ADAMTS9: variants seen among roughly 807,000 people sequenced by gnomAD.
The protein encoded by ADAMTS9 is A disintegrin and metalloproteinase with thrombospondin motifs 9.
Under a neutral mutation model 257.1 loss-of-function variants are expected in ADAMTS9, and 107 were observed. The observed-to-expected ratio is 0.42, with a 90% CI of 0.36 to 0.49. The LOEUF is 0.49. ADAMTS9 is among the 20% of genes least tolerant of loss of function. The pLI is 0.03. For missense variants in ADAMTS9, 2,353 were observed against 2,469.1 expected (o/e 0.95, Z 1.00); for synonymous variants, 982 against 880.9 (o/e 1.11, Z -2.03).
intron 3 of ADAMTS9, among the ~76,000 whole-genome samples, chr3:64,676,265 A>T (rs549931567): frequency 6.6e-6 from 1 of 152,228 alleles, no homozygotes; most frequent in Non-Finnish European, 1.5e-5. Context: ...TGGCTTGGCT[A>T]TTGGTCTCCA....
intron 26 of ADAMTS9, among the ~76,000 whole-genome samples, chr3:64,600,435 T>C (rs1233088699): frequency 2.6e-5 from 4 of 152,216 alleles, no homozygotes; most frequent in African/African-American, 9.6e-5. Flanking sequence ...AAAGCTTACC[T>C]AATCCTCCCT....
rs566864892 is a variant in ADAMTS9, at chr3:64,599,775, G to A, written c.4017+2169C>T. 3.9e-5 allele frequency among the ~76,000 whole-genome samples: 6 copies of A among 152,292 alleles called. No individual in the cohort carries two copies. The East Asian group carries it at 7.7e-4, about 20-fold the overall frequency. ...CACAGCCCAAAGACCAAATGTGTGC[G>A]GCCACCTGTTTTTAGAAATAAGGTT... is the stretch of plus-strand genomic sequence containing the variant. On this transcript the variant is annotated intron_variant, in intron 26 of 39. Coordinates refer to ENST00000498707, the MANE Select transcript of ADAMTS9 (RefSeq NM_182920.2).
intron 28 of ADAMTS9, chr3:64,568,967 A>G (rs929117072): frequency 6.2e-6 from 1 of 162,386 alleles, no homozygotes; most frequent in African/African-American, 2.4e-5. Flanking sequence ...AAATGATTTA[A>G]GAATAAAACT....
intron 30 of ADAMTS9, among the ~76,000 whole-genome samples, chr3:64,556,465 T>G (rs2083334412): frequency 6.6e-6 from 1 of 152,086 alleles, no homozygotes; most frequent in Admixed American, 6.5e-5. Flanking sequence ...GAACTACAGG[T>G]CCATGCCACC....
chr3:64,562,611 T>C (rs2083446850), intron 29 of ADAMTS9, among the ~76,000 whole-genome samples: 1 of 152,206 alleles, frequency 6.6e-6, no homozygotes, highest in Non-Finnish European at 1.5e-5. Context: ...TTGGAAAGAA[T>C]GGTATATTAT....
chr3:64,613,535 G>A, intron 21 of ADAMTS9, 26 bp from the exon 22 acceptor site: 1 of 1,603,676 alleles, frequency 6.2e-7, no homozygotes, highest in South Asian at 1.1e-5. Context: ...GAGCTAGTCA[G>A]GGTCATTTCT....
rs145883413 is a variant in ADAMTS9 at position 64,598,456 on chromosome 3, C to T, written c.4018-1465G>A. 1.3e-3 allele frequency among the ~76,000 whole-genome samples: 199 copies of T among 151,616 alleles called. 1 individual carries two copies. In the East Asian group the frequency reaches 0.025, roughly 19 times the overall value. ...CTCAGTCTCCTGCATAGCTGGAGAC[C>T]GTTGGTGTACACTACCACACCTGGG... On this transcript the variant is annotated intron_variant, in intron 26 of 39. Coordinates refer to ENST00000498707, the MANE Select transcript of ADAMTS9 (RefSeq NM_182920.2).
At chr3:64,612,428 T>C (rs567612319) in intron 22 of ADAMTS9, among the ~76,000 whole-genome samples, 101 of 152,278 alleles carry the variant, frequency 6.6e-4, no homozygotes, top group South Asian at 1.9e-3. Context: ...TCAGACATGA[T>C]TGGCAATTTG....
intron 4 of ADAMTS9, among the ~76,000 whole-genome samples, chr3:64,657,077 G>C (rs1701093968): frequency 6.6e-6 from 1 of 152,096 alleles, no homozygotes. Context: ...ATGTGAAAAT[G>C]CCTCCTGTTT....
At chr3:64,640,518 T>A (rs1700611180) in intron 12 of ADAMTS9, among the ~76,000 whole-genome samples, 1 of 152,202 alleles carries the variant, frequency 6.6e-6, no homozygotes, top group Non-Finnish European at 1.5e-5. Context: ...TAGAGTTTGC[T>A]ATCCGTGATC....
chr3:64,654,954 T>C (rs1422054626), intron 6 of ADAMTS9, among the ~76,000 whole-genome samples: 1 of 152,206 alleles, frequency 6.6e-6, no homozygotes, highest in Non-Finnish European at 1.5e-5. Flanking sequence ...AAGATACCTT[T>C]GTTTTACTTT....
intron 28 of ADAMTS9, among the ~76,000 whole-genome samples, chr3:64,572,757 G>A (rs1488522149): frequency 6.6e-6 from 1 of 152,142 alleles, no homozygotes; most frequent in Non-Finnish European, 1.5e-5. Flanking sequence ...GAGGCTTCTG[G>A]GTGGGGCTGG....
At chr3:64,557,568 G>A (rs1673410301) in intron 30 of ADAMTS9, among the ~76,000 whole-genome samples, 1 of 152,162 alleles carries the variant, frequency 6.6e-6, no homozygotes, top group African/African-American at 2.4e-5. Context: ...TGCAGGCTGA[G>A]TCAAACTGCT....
chr3:64,654,975 G>T (rs1354761422), intron 6 of ADAMTS9, among the ~76,000 whole-genome samples: 1 of 152,164 alleles, frequency 6.6e-6, no homozygotes, highest in Non-Finnish European at 1.5e-5. Flanking sequence ...CATTTAAGAG[G>T]ACGTGCTCAT....
chr3:64,615,513 C>A, intron 20 of ADAMTS9, 28 bp from the exon 21 acceptor site: 1 of 1,581,736 alleles, frequency 6.3e-7, no homozygotes, highest in Non-Finnish European at 8.6e-7. Context: ...ATAAATAAAA[C>A]TGTTGCTAAG....
Position 64,561,697 on chromosome 3 carries a change from C to T in ADAMTS9, c.4579G>A (p.Gly1527Arg), listed in dbSNP as rs755013991. 5.0e-6 allele frequency: 8 copies of T among 1,613,586 alleles called. No homozygotes were observed. Among genetic ancestry groups the T allele is most frequent in the East Asian group, 4.5e-5 (2 of 44,822 alleles). ...GTCTCTCTGGCTATTTTGTGTGTTC[C>T]GATCTGACAGCCCACATGCCTCTGC... ...VQQRHVGCQI[G>R]THKIARETEC... The change falls in exon 30 of 40, where the codon GGA becomes AGA. Residue 1527 changes from glycine (G) to arginine (R), a missense_variant. Physicochemically the swap from Gly to Arg is moderately radical, Grantham distance 125. This residue lies in a region of ADAMTS9 where 1,402 missense variants were observed against 1,441.4 expected (regional missense o/e 0.97). Coordinates refer to ENST00000498707, the MANE Select transcript of ADAMTS9 (RefSeq NM_182920.2).
chr3:64,672,310 A>C (rs1231603301), intron 3 of ADAMTS9, among the ~76,000 whole-genome samples: 1 of 152,220 alleles, frequency 6.6e-6, no homozygotes, highest in Admixed American at 6.5e-5. Context: ...AGCAAGAAAC[A>C]GGGAAAGGTC....
chr3:64,547,169 T>A (rs2083211315), intron 31 of ADAMTS9, among the ~76,000 whole-genome samples: 1 of 152,176 alleles, frequency 6.6e-6, no homozygotes, highest in Non-Finnish European at 1.5e-5. Context: ...TCCACTGGCA[T>A]CTTCTCAGCC....
intron 29 of ADAMTS9, chr3:64,565,615 A>G (rs1250811156): frequency 6.6e-6 from 1 of 152,198 alleles, no homozygotes; most frequent in Admixed American, 6.5e-5. Context: ...TTTGATCTTT[A>G]TTTTAAAAAC....
Sources: allele counts gnomAD v4.1 joint callset (sites outside exome capture counted in the v4.1 genomes callset), GRCh38; gene constraint gnomAD v4.1.1; regional missense constraint gnomAD v4.1.1; transcripts MANE v1.5; gene names NCBI Gene and HGNC (gene_info 2026-07-23, HGNC 2026-07-21).